The following UBXN7 variants were observed in gnomAD, a reference collection of about 807,000 sequenced individuals.
UBXN7 encodes UBX domain-containing protein 7.
In UBXN7, 9 loss-of-function variants were observed where a neutral mutation model predicts 58.0. The observed-to-expected ratio is 0.16, with a 90% CI of 0.09 to 0.27. UBXN7 has a LOEUF of 0.27. Ranked by LOEUF, UBXN7 falls within the 10% of genes least tolerant of loss-of-function variation. UBXN7 has a pLI of 1.00. For synonymous variants in UBXN7, 208 were observed against 205.0 expected (o/e 1.01, Z -0.12); for missense variants, 328 against 599.6 (o/e 0.55, Z 4.73).
chr3:196,409,079 T>C (rs1174860084), intron 1 of UBXN7, among the ~76,000 whole-genome samples: 2 of 152,224 alleles, frequency 1.3e-5, no homozygotes, highest in African/African-American at 4.8e-5. Flanking sequence ...CTTTCTTTCA[T>C]ATGCATATTG....
intron 5 of UBXN7, among the ~76,000 whole-genome samples, chr3:196,386,608 C>T (rs1191369115): frequency 6.6e-6 from 1 of 152,122 alleles, no homozygotes; most frequent in Non-Finnish European, 1.5e-5. Context: ...AACTCCCATT[C>T]ACAATTGCTA....
At position 196,349,125 on chromosome 3, in the gene UBXN7, T is replaced by C. The variant is rs74727845; in HGVS notation, c.*7560A>G. The C allele has an allele frequency of 6.6e-6, 1 of 152,328 alleles. No individual in the cohort carries two copies. The highest frequency in any genetic ancestry group is 1.9e-4 in the East Asian group (1 of 5,190). The allele number at this position is 152,328 out of a possible 1,614,324, so 9.4% of individuals were successfully genotyped here. A position where few individuals can be genotyped will look rare whatever the true frequency, so the allele number is the denominator to read the frequency against. On this transcript the variant is annotated 3_prime_UTR_variant, in exon 11 of 11. Coordinates refer to ENST00000296328, the MANE Select transcript of UBXN7 (RefSeq NM_015562.2). ...GTCTAAGTATCGTGTTAGCATCAAC[T>C]GGTACTCATTTCTCTATATCTAAGA...
chr3:196,372,161 C>T (rs1728852394), intron 5 of UBXN7, 119 bp from the exon 6 acceptor site: 1 of 1,102,224 alleles, frequency 9.1e-7, no homozygotes, highest in Non-Finnish European at 1.3e-6. Flanking sequence ...CCAGATACGA[C>T]ATCTAGAGTT....
chr3:196,393,485 T>C lies in UBXN7; in HGVS notation c.355+69A>G, dbSNP rs1020588747. ...AAAACTTAAAAGTAATTGGGCCTAA[T>C]AGTAATCATCTTTGTCTTTTTAATA... is the stretch of plus-strand genomic sequence containing the variant. On this transcript the variant is annotated intron_variant, in intron 4 of 10. Coordinates refer to ENST00000296328, the MANE Select transcript of UBXN7 (RefSeq NM_015562.2). 1.4e-4 allele frequency: 198 copies of C among 1,456,612 alleles called. No individual in the cohort carries two copies. The East Asian group carries it at 3.5e-3, about 25-fold the overall frequency. The allele number at this position is 1,456,612 out of a possible 1,614,324, so 90.2% of individuals were successfully genotyped here.
At chr3:196,374,010 T>C (rs1577441324) in intron 5 of UBXN7, among the ~76,000 whole-genome samples, 1 of 152,220 alleles carries the variant, frequency 6.6e-6, no homozygotes, top group Admixed American at 6.5e-5. Context: ...TCCTTGCTTA[T>C]AGGAAGTAAT....
chr3:196,362,023 A>ATT, intron 9 of UBXN7, 100 bp from the exon 10 acceptor site: 1 of 1,226,622 alleles, frequency 8.2e-7, no homozygotes, highest in Non-Finnish European at 1.1e-6. Flanking sequence ...CCATTCAGCA[A>ATT]TTACTCAAGT....
chr3:196,406,710 C>G (rs1257622312), intron 2 of UBXN7, among the ~76,000 whole-genome samples: 1 of 152,138 alleles, frequency 6.6e-6, no homozygotes, highest in Non-Finnish European at 1.5e-5. Context: ...TCCCAAAGTG[C>G]CGGGATTACA....
chr3:196,389,367 A>G (rs1366883109), intron 5 of UBXN7, among the ~76,000 whole-genome samples: 1 of 152,242 alleles, frequency 6.6e-6, no homozygotes, highest in East Asian at 1.9e-4. Context: ...ACTGACAAAA[A>G]GAAAGCATTG....
In UBXN7 at chr3:196,432,365, G is replaced by A. The variant is rs769909671; in HGVS notation, c.35C>T (p.Ala12Val). ...GAACTGTTGAATTAACCCCTTCAGC[G>A]CCGAGGACGCCGCGGAGCCCCCGTG... ...AAHGGSAASS[A>V]LKGLIQQFTT... Residue 12 changes from alanine to valine, a missense_variant, in exon 1 of 11, where the codon GCG becomes GTG. Physicochemically the swap from Ala to Val is moderately conservative, Grantham distance 64. Transcript: ENST00000296328. The A allele has an allele frequency of 6.3e-6, 10 of 1,598,344 alleles. No homozygotes were observed. In the East Asian group the frequency reaches 1.8e-4, roughly 29 times the overall value.
chr3:196,401,298 T>TATATAC (rs1269101481), intron 3 of UBXN7, among the ~76,000 whole-genome samples: 63 of 61,664 alleles, frequency 1.0e-3, no homozygotes, highest in African/African-American at 9.5e-4. Context: ...TATATATATA[T>TATATAC]ACACACACAC....
At chr3:196,375,183 C>CCACACACACACA (rs56188527) in intron 5 of UBXN7, among the ~76,000 whole-genome samples, 13 of 139,730 alleles carry the variant, frequency 9.3e-5, no homozygotes, top group Admixed American at 5.0e-4. Context: ...GGTGCTCTTA[C>CCACACACACACA]CACACACACA....
At chr3:196,388,717 T>C (rs1729489103) in intron 5 of UBXN7, among the ~76,000 whole-genome samples, 1 of 152,202 alleles carries the variant, frequency 6.6e-6, no homozygotes, top group African/African-American at 2.4e-5. Flanking sequence ...GGAACAAACC[T>C]ATGGGCCCTC....
At chr3:196,359,249 G>A (rs1194838455) in intron 10 of UBXN7, among the ~76,000 whole-genome samples, 1 of 151,914 alleles carries the variant, frequency 6.6e-6, no homozygotes, top group African/African-American at 2.4e-5. Flanking sequence ...CTGCTTTTGG[G>A]CACCACAAAC....
rs147596166 is a variant in UBXN7, at chr3:196,418,054, C to A, written c.74-10661G>T. 8.7e-3 allele frequency among the ~76,000 whole-genome samples: 1,323 copies of A among 152,060 alleles called. 16 individuals are homozygous for A. Among genetic ancestry groups the A allele is most frequent in the African/African-American group, 0.031 (1,268 of 41,474 alleles). On this transcript the variant is annotated intron_variant, in intron 1 of 10. Transcript: ENST00000296328. ...AGGAATTCAAGACCAGCCTGACCAA[C>A]ATGTGAAACCCTGTCTCTACTAAAA...
rs930076711 is a variant in UBXN7, at chr3:196,355,903, G to A, written c.*782C>T. On this transcript the variant is annotated 3_prime_UTR_variant, in exon 11 of 11. Coordinates refer to ENST00000296328, the MANE Select transcript of UBXN7 (RefSeq NM_015562.2). ...AGCACCTTCCTATCCCAGTCACCAC[G>A]ATAGGTTCACTTCATGTCCATTCTT... is the stretch of plus-strand genomic sequence containing the variant. 1.8e-4 allele frequency: 27 copies of A among 152,204 alleles called. No individual in the cohort carries two copies. The highest frequency in any genetic ancestry group is 6.3e-4 in the African/African-American group (26 of 41,418). The allele number at this position is 152,204 out of a possible 1,614,324, so 9.4% of individuals were successfully genotyped here. A position where few individuals can be genotyped will look rare whatever the true frequency, so the allele number is the denominator to read the frequency against.
At chr3:196,384,809 T>C (rs1022056764) in intron 5 of UBXN7, among the ~76,000 whole-genome samples, 1 of 152,078 alleles carries the variant, frequency 6.6e-6, no homozygotes, top group Non-Finnish European at 1.5e-5. Context: ...CTCAAAATAA[T>C]AAGAGATATT....
chr3:196,398,462 G>A (rs545044111), intron 3 of UBXN7, among the ~76,000 whole-genome samples: 2 of 152,188 alleles, frequency 1.3e-5, no homozygotes, highest in South Asian at 2.1e-4. Flanking sequence ...TGTTTACTGA[G>A]TAATGCAAAC....
At chr3:196,408,097 CA>C (rs71621241) in intron 1 of UBXN7, among the ~76,000 whole-genome samples, 8,745 of 45,318 alleles carry the variant, frequency 0.19, 84 homozygotes, top group South Asian at 0.27. Context: ...GACTCTGTCT[CA>C]AAAAAAAAAA....
Position 196,352,793 on chromosome 3 carries a change from A to C in UBXN7, c.*3892T>G, listed in dbSNP as rs1050067641. On this transcript the variant is annotated 3_prime_UTR_variant, in exon 11 of 11. Transcript: ENST00000296328. This position sits in a 1 kb window ranked among gnomAD's most constrained non-coding sequence, Gnocchi z 4.1. ...CGGAACACGAGATCAAGAGATCGAG[A>C]CCATCCTGGCCAACATGGTGAAACC... 12 of 152,070 alleles carry C rather than the reference A, an allele frequency of 7.9e-5. No homozygotes were observed. The highest frequency in any genetic ancestry group is 6.6e-4 in the Admixed American group (10 of 15,258). 9.4% of individuals were successfully genotyped at this position (152,070 alleles called of 1,614,324 possible). A position where few individuals can be genotyped will look rare whatever the true frequency, so the allele number is the denominator to read the frequency against.
Sources: gnomAD v4.1 joint callset for allele counts (sites outside exome capture counted in the v4.1 genomes callset) on GRCh38, gnomAD v4.1.1 for gene constraint, Gnocchi (gnomAD v3.1) non-coding constraint, MANE v1.5 for transcripts, NCBI Gene and HGNC (gene_info 2026-07-23, HGNC 2026-07-21) for gene names.